Variants in TBC1D1 observed in about 807,000 individuals in gnomAD.
The protein encoded by TBC1D1 is TBC1 domain family member 1, also known as TBC1 (tre-2/USP6, BUB2, cdc16) domain family, member 1.
In TBC1D1, 89 loss-of-function variants were observed where a neutral mutation model predicts 125.6. The ratio of observed to expected loss-of-function variants is 0.71; its 90% CI spans 0.60 to 0.85. TBC1D1 has a LOEUF of 0.85. Ranked by LOEUF, TBC1D1 falls within the 40% of genes least tolerant of loss-of-function variation. TBC1D1 has a pLI of 0.00. For synonymous variants in TBC1D1, 565 were observed against 564.1 expected, an observed-to-expected ratio of 1.00 and a Z score of -0.02; for missense variants, 1,377 against 1,469.2, an observed-to-expected ratio of 0.94 and a Z score of 1.03.
intron 2 of TBC1D1, among the ~76,000 whole-genome samples, chr4:37,953,664 G>A (rs965460159): frequency 1.3e-5 from 2 of 152,212 alleles, no homozygotes; most frequent in African/African-American, 4.8e-5. Flanking sequence ...TAAGGTTGAT[G>A]TGTAGAATAG....
At position 38,037,299 on chromosome 4, in the gene TBC1D1, A is replaced by G. The variant is rs536877917; in HGVS notation, c.1413+1601A>G. On this transcript the variant is annotated intron_variant, in intron 8 of 19. Transcript: ENST00000261439. ...ATGTTTTTTTTTTACCCAAAAAAAC[A>G]TAAGAGTTCAATGTAGAAGTGACTG... Among the ~76,000 whole-genome samples, 7 of 151,822 alleles carry G rather than the reference A, an allele frequency of 4.6e-5. No individual in the cohort carries two copies. The East Asian group carries it at 9.9e-4, about 21-fold the overall frequency.
intron 3 of TBC1D1, among the ~76,000 whole-genome samples, chr4:38,016,913 AGG>A (rs894331442): frequency 1.9e-4 from 29 of 152,178 alleles, no homozygotes; most frequent in African/African-American, 6.8e-4. Context: ...TACTTGGGGG[AGG>A]GCAAGAGTAG....
chr4:37,997,236 C>T (rs911430916), intron 2 of TBC1D1, among the ~76,000 whole-genome samples: 19 of 152,330 alleles, frequency 1.2e-4, no homozygotes, highest in African/African-American at 4.3e-4. Flanking sequence ...AGCTACAAAT[C>T]TTCATCTTAG....
chr4:38,016,793 C>T (rs1377154880), intron 3 of TBC1D1, among the ~76,000 whole-genome samples: 1 of 152,170 alleles, frequency 6.6e-6, no homozygotes, highest in South Asian at 2.1e-4. Flanking sequence ...TTTCATCAGG[C>T]ACAACTTTAT....
intron 8 of TBC1D1, among the ~76,000 whole-genome samples, chr4:38,037,241 G>T (rs941088110): frequency 2.6e-5 from 4 of 151,590 alleles, no homozygotes; most frequent in Admixed American, 2.6e-4. Context: ...TTTATGATTT[G>T]GGCATAGATC....
intron 12 of TBC1D1, among the ~76,000 whole-genome samples, chr4:38,087,155 A>C (rs1238361592): frequency 6.6e-6 from 1 of 152,260 alleles, no homozygotes; most frequent in Non-Finnish European, 1.5e-5. Context: ...GATAATAAGA[A>C]AAAGATCACA....
chr4:38,030,002 T>G (rs1745826767), intron 7 of TBC1D1, among the ~76,000 whole-genome samples: 1 of 152,224 alleles, frequency 6.6e-6, no homozygotes, highest in African/African-American at 2.4e-5. Flanking sequence ...AGTTGGGGCC[T>G]TTTTCATCTA....
chr4:37,898,845 A>G (rs923547681), intron 1 of TBC1D1, among the ~76,000 whole-genome samples: 7 of 152,138 alleles, frequency 4.6e-5, no homozygotes, highest in Admixed American at 1.3e-4. Context: ...GGAGAGAGGA[A>G]CCGTATGCAC....
chr4:38,030,568 TA>T lies in TBC1D1; in HGVS notation c.1302+2693del, dbSNP rs1227376851. On this transcript the variant is annotated intron_variant, in intron 7 of 19. Transcript: ENST00000261439. ...TCCTCAATGACCATTCTTGGTTTTATAAAACATTTTATAAACCAAGTCATTG... is the reference window on the plus strand; with the variant it reads ...TCCTCAATGACCATTCTTGGTTTTATAAACATTTTATAAACCAAGTCATTG... 9 of 152,376 alleles carry T rather than the reference TA, an allele frequency of 5.9e-5. No homozygotes were observed. The East Asian group carries it at 1.7e-3, about 29-fold the overall frequency. The allele number at this position is 152,376 out of a possible 1,614,324, so 9.4% of individuals were successfully genotyped here.
chr4:38,116,103 C>G (rs1384414676), intron 16 of TBC1D1, 149 bp downstream of exon 18: 2 of 801,768 alleles, frequency 2.5e-6, no homozygotes, highest in East Asian at 2.7e-5. Flanking sequence ...AGGCATTATT[C>G]CAAGCGCTTC....
At chr4:38,024,654 T>C (rs1744716452) in intron 6 of TBC1D1, among the ~76,000 whole-genome samples, 2 of 152,172 alleles carry the variant, frequency 1.3e-5, no homozygotes, top group African/African-American at 2.4e-5. Context: ...AAGAAGTGCA[T>C]TGTTAGTAGA....
intron 13 of TBC1D1, among the ~76,000 whole-genome samples, 178 bp from the exon 16 acceptor site, chr4:38,095,751 G>A (rs1367465054): frequency 6.6e-6 from 1 of 152,180 alleles, no homozygotes; most frequent in Non-Finnish European, 1.5e-5. Flanking sequence ...TAGGTTTTTA[G>A]CATTTTCCAA....
At chr4:37,908,577 T>C (rs11939513) in intron 2 of TBC1D1, among the ~76,000 whole-genome samples, 12,945 of 152,218 alleles carry the variant, frequency 0.085, 627 homozygotes, top group East Asian at 0.2. Flanking sequence ...AGCACTGTTC[T>C]CGACTCTAAT....
At chr4:37,940,648 T>C (rs543298795) in intron 2 of TBC1D1, among the ~76,000 whole-genome samples, 36 of 152,350 alleles carry the variant, frequency 2.4e-4, no homozygotes, top group African/African-American at 7.9e-4. Flanking sequence ...CAGTATGCTA[T>C]TGGCTGTGAG....
At chr4:37,973,326 T>C (rs903971588) in intron 2 of TBC1D1, among the ~76,000 whole-genome samples, 6 of 152,306 alleles carry the variant, frequency 3.9e-5, no homozygotes, top group Non-Finnish European at 8.8e-5. Flanking sequence ...CAATGAACCC[T>C]TCATGTCCTT....
At chr4:37,917,929 C>CA (rs202001554) in intron 2 of TBC1D1, among the ~76,000 whole-genome samples, 22 of 151,762 alleles carry the variant, frequency 1.4e-4, no homozygotes, top group East Asian at 7.7e-4. Context: ...CTCCCCACCT[C>CA]AAAAAAAATA....
chr4:37,960,856 T>A lies in TBC1D1; in HGVS notation c.418-53653T>A, dbSNP rs761875353. 8.1e-6 allele frequency: 13 copies of A among 1,614,062 alleles called. No homozygotes were observed. The South Asian group carries it at 1.3e-4, about 16-fold the overall frequency. On this transcript the variant is annotated intron_variant, in intron 2 of 19. Transcript: ENST00000261439. ...GAGCGCCAGATTGCACACCTCCCCT[T>A]GAGTGGAGTGCCTCTCATGATCCTT...
intron 11 of TBC1D1, among the ~76,000 whole-genome samples, chr4:38,052,617 G>A (rs1293594307): frequency 1.3e-5 from 2 of 152,090 alleles, no homozygotes; most frequent in Admixed American, 1.3e-4. Context: ...TTACAGGTGT[G>A]AGCCACTGCA....
At chr4:37,993,255 A>G (rs951360943) in intron 2 of TBC1D1, among the ~76,000 whole-genome samples, 4 of 152,214 alleles carry the variant, frequency 2.6e-5, no homozygotes, top group East Asian at 1.9e-4. Flanking sequence ...GAGAATCAGA[A>G]CACTATGAAG....
Sources: gnomAD v4.1 joint callset for allele counts (sites outside exome capture counted in the v4.1 genomes callset) on GRCh38, gnomAD v4.1.1 for gene constraint, MANE v1.5 for transcripts, NCBI Gene and HGNC (gene_info 2026-07-23, HGNC 2026-07-21) for gene names.